TSHZ2: variants seen among roughly 807,000 people sequenced by gnomAD.
TSHZ2 encodes teashirt zinc finger homeobox 2, also known as teashirt homolog 2.
In TSHZ2, 21 loss-of-function variants were observed where a neutral mutation model predicts 74.4. The ratio of observed to expected loss-of-function variants is 0.28; its 90% CI spans 0.20 to 0.41. The LOEUF is 0.41. Ranked by LOEUF, TSHZ2 falls within the 10% of genes least tolerant of loss-of-function variation. The probability of loss-of-function intolerance (pLI) is 1.00; values close to 1 mark genes in which losing one functional copy is unlikely to be tolerated. For missense variants in TSHZ2, 1,244 were observed against 1,293.5 expected (o/e 0.96, Z 0.59); for synonymous variants, 540 against 515.3 (o/e 1.05, Z -0.65).
intron 1 of TSHZ2, among the ~76,000 whole-genome samples, chr20:52,999,113 C>T (rs62206630): frequency 0.06 from 3,402 of 56,976 alleles, 147 homozygotes; most frequent in African/African-American, 0.17. Context: ...TGCCACATTC[C>T]ACTCTTCACT....
intron 1 of TSHZ2, among the ~76,000 whole-genome samples, chr20:53,155,540 TG>T (rs1987775487): frequency 6.6e-6 from 1 of 151,652 alleles, no homozygotes. Context: ...GGCACAGGTC[TG>T]GGAAGGAGGG....
chr20:53,323,563 C>CTTTTTT (rs34687825), intron 2 of TSHZ2, among the ~76,000 whole-genome samples: 1,058 of 36,688 alleles, frequency 0.029, 368 homozygotes, highest in Non-Finnish European at 0.04. Context: ...CCTTGGAGGG[C>CTTTTTT]TTTTTTTTTT....
intron 1 of TSHZ2, among the ~76,000 whole-genome samples, chr20:52,974,039 G>A (rs556760940): frequency 6.6e-6 from 1 of 152,118 alleles, no homozygotes; most frequent in Non-Finnish European, 1.5e-5. Context: ...GAAATGATTC[G>A]TACTGTAAAA....
At chr20:53,265,888 C>T (rs142156576) in intron 2 of TSHZ2, among the ~76,000 whole-genome samples, 3 of 152,302 alleles carry the variant, frequency 2.0e-5, no homozygotes, top group African/African-American at 7.2e-5. Flanking sequence ...CCCTTCCTCC[C>T]TCCCTCCTTT....
At chr20:53,002,225 A>T (rs1982468479) in intron 1 of TSHZ2, among the ~76,000 whole-genome samples, 1 of 152,322 alleles carries the variant, frequency 6.6e-6, no homozygotes, top group South Asian at 2.1e-4. Context: ...CAGTGAAGTC[A>T]GGTGACTCGG....
chr20:52,972,969 A>G lies in TSHZ2; in HGVS notation c.-325A>G. ...ACCAAAAAAAAAAAAAACCGCAAAAACAAAACCAAAAAAATTCCAAAAGCA... is the reference window on the plus strand; with the variant it reads ...ACCAAAAAAAAAAAAAACCGCAAAAGCAAAACCAAAAAAATTCCAAAAGCA... On this transcript the variant is annotated 5_prime_UTR_variant, in exon 1 of 3. Transcript: ENST00000371497. 2.8e-6 allele frequency: 1 copy of G among 355,084 alleles called. No homozygotes were observed. The highest frequency in any genetic ancestry group is 5.0e-6 in the Non-Finnish European group (1 of 199,640). The allele number at this position is 355,084 out of a possible 1,614,324, so 22.0% of individuals were successfully genotyped here.
intron 1 of TSHZ2, among the ~76,000 whole-genome samples, chr20:53,238,540 A>G (rs570016160): frequency 1.1e-4 from 16 of 152,262 alleles, no homozygotes; most frequent in Non-Finnish European, 1.8e-4. Context: ...AAAACAAAAC[A>G]CCAAAATGGG....
chr20:53,442,801 C>T (rs1897830306), intron 2 of TSHZ2, among the ~76,000 whole-genome samples: 1 of 152,166 alleles, frequency 6.6e-6, no homozygotes. Context: ...AATATGTATT[C>T]CCCCGTTTCG....
intron 2 of TSHZ2, among the ~76,000 whole-genome samples, chr20:53,321,487 C>A (rs1262097970): frequency 6.6e-6 from 1 of 151,930 alleles, no homozygotes; most frequent in East Asian, 1.9e-4. Flanking sequence ...AGTTCAAGAC[C>A]AGCCTAGCCA....
At chr20:53,326,234 A>AT (rs1287381352) in intron 2 of TSHZ2, among the ~76,000 whole-genome samples, 1 of 152,190 alleles carries the variant, frequency 6.6e-6, no homozygotes, top group African/African-American at 2.4e-5. Flanking sequence ...AGGAACAATG[A>AT]CTTTTGTCGG....
intron 2 of TSHZ2, among the ~76,000 whole-genome samples, chr20:53,467,367 C>T (rs1218329347): frequency 2.6e-5 from 4 of 152,118 alleles, no homozygotes; most frequent in Non-Finnish European, 5.9e-5. Flanking sequence ...CTAATGACTA[C>T]TTATTTGTAA....
rs531412248 is a variant in TSHZ2 at position 53,191,214 on chromosome 20, A to G, written c.41-62285A>G. On this transcript the variant is annotated intron_variant, in intron 1 of 2. Transcript: ENST00000371497. ...ACGTATTGTATTGTATATGTAATGT[A>G]TATGACCTATGCAGTTAAATATATT... Among the ~76,000 whole-genome samples, 15 of 152,344 alleles carry G rather than the reference A, an allele frequency of 9.8e-5. No individual in the cohort carries two copies. In the East Asian group the frequency reaches 2.9e-3, roughly 29 times the overall value.
intron 1 of TSHZ2, among the ~76,000 whole-genome samples, chr20:53,088,649 G>C (rs1482330659): frequency 1.3e-5 from 2 of 152,114 alleles, no homozygotes; most frequent in East Asian, 3.9e-4. Flanking sequence ...AGATTTGATG[G>C]CTTTCAGAAA....
At chr20:53,336,130 T>C (rs1979940153) in intron 2 of TSHZ2, among the ~76,000 whole-genome samples, 1 of 152,214 alleles carries the variant, frequency 6.6e-6, no homozygotes, top group South Asian at 2.1e-4. Context: ...ATTCAGTTTG[T>C]TTTAAAAGAA....
Position 53,255,935 on chromosome 20 carries a change from G to A in TSHZ2, c.2477G>A (p.Arg826Lys), listed in dbSNP as rs1990469114. 1.9e-6 allele frequency: 3 copies of A among 1,614,092 alleles called. No homozygotes were observed. The highest frequency in any genetic ancestry group is 2.5e-6 in the Non-Finnish European group (3 of 1,180,030). Residue 826 changes from arginine to lysine, a missense_variant, in exon 2 of 3, where the codon AGG becomes AAG. This residue lies in a region of TSHZ2 where 562 missense variants were observed against 544.0 expected (regional missense o/e 1.03). Coordinates refer to ENST00000371497, the MANE Select transcript of TSHZ2 (RefSeq NM_173485.6). The surrounding 1 kb of genome is among the most constrained non-coding windows in gnomAD (Gnocchi z 4.1). ...CCCATGAAGCTGGAAATGGATGTCA[G>A]GCGCTTTGAGGATGTCTCCAGTGAA... ...VPPMKLEMDV[R>K]RFEDVSSEVS...
At chr20:53,372,123 A>G (rs1476495875) in intron 2 of TSHZ2, among the ~76,000 whole-genome samples, 2 of 152,100 alleles carry the variant, frequency 1.3e-5, no homozygotes, top group Non-Finnish European at 2.9e-5. Flanking sequence ...CTATTTCCAA[A>G]TAAGGTCACA....
chr20:52,995,251 G>A (rs940465097), intron 1 of TSHZ2, among the ~76,000 whole-genome samples: 7 of 152,098 alleles, frequency 4.6e-5, no homozygotes, highest in Admixed American at 1.3e-4. Context: ...TTTTAACCTC[G>A]CTCCTCATTC....
chr20:53,390,570 G>A (rs916931215), intron 2 of TSHZ2, among the ~76,000 whole-genome samples: 1 of 152,184 alleles, frequency 6.6e-6, no homozygotes, highest in South Asian at 2.1e-4. Flanking sequence ...GAGCAAGAAA[G>A]TCTTTGCTAT....
chr20:53,354,276 G>C (rs1238775716), intron 2 of TSHZ2, among the ~76,000 whole-genome samples: 2 of 152,202 alleles, frequency 1.3e-5, no homozygotes, highest in Non-Finnish European at 1.5e-5. Flanking sequence ...TGGTGCTCTT[G>C]TGGTGGCCTG....
Sources: gnomAD v4.1 joint callset for allele counts (sites outside exome capture counted in the v4.1 genomes callset) on GRCh38, gnomAD v4.1.1 for gene constraint, gnomAD v4.1.1 regional missense constraint, Gnocchi (gnomAD v3.1) non-coding constraint, MANE v1.5 for transcripts, NCBI Gene and HGNC (gene_info 2026-07-23, HGNC 2026-07-21) for gene names.